Variants in TSPOAP1 observed in about 807,000 individuals in gnomAD.
TSPOAP1 encodes peripheral-type benzodiazepine receptor-associated protein 1.
In TSPOAP1, 87 loss-of-function variants were observed where a neutral mutation model predicts 197.0. That is an observed-to-expected ratio of 0.44 (90% CI 0.37 to 0.53). The LOEUF is 0.53. TSPOAP1 is among the 20% of genes least tolerant of loss of function. The probability of loss-of-function intolerance (pLI) is 0.00; values close to 1 mark genes in which losing one functional copy is unlikely to be tolerated. For synonymous variants in TSPOAP1, 913 were observed against 998.9 expected, an observed-to-expected ratio of 0.91 and a Z score of 1.62; for missense variants, 2,174 against 2,411.3, an observed-to-expected ratio of 0.90 and a Z score of 2.06.
rs150293981 is a variant in TSPOAP1, at chr17:58,310,128, G to A, written c.3730C>T (p.Leu1244=). 134 of 1,613,124 alleles carry A rather than the reference G, an allele frequency of 8.3e-5. No individual in the cohort carries two copies. The highest frequency in any genetic ancestry group is 1.1e-4 in the Non-Finnish European group (126 of 1,180,020). The change falls in exon 21 of 32, where the codon CTG becomes TTG. Residue 1244 remains leucine, a synonymous_variant. Coordinates refer to ENST00000343736, the MANE Select transcript of TSPOAP1 (RefSeq NM_004758.4). Reference sequence around the variant, plus strand: ...CCGTGGTCCACGAGGGAGTTCACCAGATGAACCCCAAGCTCTGCTGTGTCC... The same window carrying A: ...CCGTGGTCCACGAGGGAGTTCACCAAATGAACCCCAAGCTCTGCTGTGTCC... ...KEDTAELGVH[L]VNSLVDHGRN...
rs1279965056 is a variant in TSPOAP1, at chr17:58,323,349, G to A, written c.1053C>T (p.Cys351=). The change falls in exon 7 of 32, where the codon TGC becomes TGT. Residue 351 remains cysteine, a synonymous_variant. Transcript: ENST00000343736. The stretch of plus-strand genomic sequence containing the variant: ...TCCGGGCTTCCTGCTCCAGGCTCTC[G>A]CATTTCTTCCGCTTCTTGCTGAGCT... ...ESELSKKRKK[C]ESLEQEARKK... 10 of 1,614,084 alleles carry A rather than the reference G, an allele frequency of 6.2e-6. No individual in the cohort carries two copies. Among genetic ancestry groups the A allele is most frequent in the African/African-American group, 2.7e-5 (2 of 74,938 alleles).
In TSPOAP1 at chr17:58,311,634, A is replaced by G; in HGVS notation, c.3018T>C (p.Asp1006=). Residue 1006 remains aspartate, a synonymous_variant, in exon 18 of 32, where the codon GAT becomes GAC. Transcript: ENST00000343736. The part of the protein sequence containing the change: ...LIISWLPVTI[D]AAGTSNGVRV... ...GGACACCGTTGGATGTGCCAGCAGCATCGATGGTGACTGGGAGCCAACTGA... is the reference window on the plus strand; with the variant it reads ...GGACACCGTTGGATGTGCCAGCAGCGTCGATGGTGACTGGGAGCCAACTGA... 1 of 1,611,280 alleles carries G rather than the reference A, an allele frequency of 6.2e-7. No individual in the cohort carries two copies. The highest frequency in any genetic ancestry group is 8.5e-7 in the Non-Finnish European group (1 of 1,178,170).
At chr17:58,315,883 G>A (rs900602453) in intron 16 of TSPOAP1, 140 bp downstream of exon 16, 1 of 781,358 alleles carries the variant, frequency 1.3e-6, no homozygotes, top group South Asian at 1.6e-5. Context: ...GAGCACGCTG[G>A]GCAGAGGGGA....
intron 17 of TSPOAP1, 84 bp from the exon 18 acceptor site, chr17:58,311,806 C>T (rs956966263): frequency 2.5e-5 from 37 of 1,490,432 alleles, no homozygotes; most frequent in Non-Finnish European, 2.9e-5. Context: ...TCCCTGATAA[C>T]GCAAATAAGA....
chr17:58,302,481 C>T (rs1970746433), intron 31 of TSPOAP1, 34 bp from the exon 32 acceptor site: 1 of 1,193,612 alleles, frequency 8.4e-7, no homozygotes, highest in South Asian at 1.5e-5. Context: ...AAGGTCAGGG[C>T]CTGATTCCCT....
chr17:58,306,270 G>T, intron 26 of TSPOAP1, 72 bp downstream of exon 26: 1 of 1,414,932 alleles, frequency 7.1e-7, no homozygotes, highest in Non-Finnish European at 9.8e-7. Flanking sequence ...AGAGAAAACA[G>T]ACAGCCAAGC....
intron 25 of TSPOAP1, 52 bp from the exon 26 acceptor site, chr17:58,306,465 G>A: frequency 6.7e-7 from 1 of 1,485,310 alleles, no homozygotes; most frequent in Non-Finnish European, 9.2e-7. Flanking sequence ...GGAGAGACAG[G>A]ACTGGGACTC....
chr17:58,311,770 C>A (rs751274804), intron 17 of TSPOAP1, 48 bp from the exon 18 acceptor site: 3 of 1,516,740 alleles, frequency 2.0e-6, no homozygotes, highest in Non-Finnish European at 2.6e-6. Flanking sequence ...CGCTCCCCAT[C>A]AGAGATACCT....
In TSPOAP1 at chr17:58,307,666, G is replaced by T. The variant is rs776023167; in HGVS notation, c.4928C>A (p.Pro1643His). ...CTCTTCTTCTCCAGCATCAGGATTGGGCGACATTGACACGGGGTCATAGTC... is the reference window on the plus strand; with the variant it reads ...CTCTTCTTCTCCAGCATCAGGATTGTGCGACATTGACACGGGGTCATAGTC... ...LFDYDPVSMS[P>H]NPDAGEEELP... The change falls in exon 24 of 32, where the codon CCC (proline) becomes CAC (histidine). Residue 1643 changes from proline to histidine, a missense_variant. Physicochemically the swap from Pro to His is moderately conservative, Grantham distance 77. Coordinates refer to ENST00000343736, the MANE Select transcript of TSPOAP1 (RefSeq NM_004758.4). 1.2e-6 allele frequency: 2 copies of T among 1,614,132 alleles called. No homozygotes were observed. Among genetic ancestry groups the T allele is most frequent in the Non-Finnish European group, 8.5e-7 (1 of 1,180,040 alleles).
At chr17:58,325,082 C>CCAGCAAGGCGAAG in intron 4 of TSPOAP1, 80 bp from the exon 5 acceptor site, 1 of 1,311,102 alleles carries the variant, frequency 7.6e-7, no homozygotes, top group Non-Finnish European at 1.0e-6. Flanking sequence ...CAGAGCCCTT[C>CCAGCAAGGCGAAG]GCCTTGCTGG....
intron 17 of TSPOAP1, 53 bp from the exon 18 acceptor site, chr17:58,311,775 A>C: frequency 6.6e-7 from 1 of 1,512,406 alleles, no homozygotes; most frequent in Non-Finnish European, 8.8e-7. Flanking sequence ...CCCATCAGAG[A>C]TACCTGCCCA....
Position 58,311,082 on chromosome 17 carries a change from C to T in TSPOAP1, c.3213G>A (p.Pro1071=), listed in dbSNP as rs377634478. ...GAGCCAGGGCGGGAGTGATAGGAGC[C>T]GGGATGGAGTCCGCCGACTCCCCGT... ...SPHGESADSI[P]APITPALAPA... The change falls in exon 19 of 32, where the codon CCG becomes CCA. Residue 1071 remains proline (P), a synonymous_variant. Transcript: ENST00000343736. The T allele has an allele frequency of 2.2e-5, 35 of 1,581,440 alleles. No individual in the cohort carries two copies. Among genetic ancestry groups the T allele is most frequent in the African/African-American group, 9.4e-5 (7 of 74,148 alleles).
At position 58,328,070 on chromosome 17, in the gene TSPOAP1, C is replaced by T. The variant is rs950776071; in HGVS notation, c.-150G>A. 3 of 726,986 alleles carry T rather than the reference C, an allele frequency of 4.1e-6. No homozygotes were observed. The highest frequency in any genetic ancestry group is 2.7e-5 in the East Asian group (1 of 36,716). 45.0% of individuals were successfully genotyped at this position (726,986 alleles called of 1,614,324 possible). On this transcript the variant is annotated 5_prime_UTR_variant, in exon 1 of 32. The change creates a new upstream start codon in the 5' untranslated region. Coordinates refer to ENST00000343736, the MANE Select transcript of TSPOAP1 (RefSeq NM_004758.4). The surrounding 1 kb of genome is among the most constrained non-coding windows in gnomAD (Gnocchi z 4.3). The stretch of plus-strand genomic sequence containing the variant: ...CCAAGGTTGGCTGAGCTCTTCCCCA[C>T]CCACAAAGGAGGCTGCAGAAGGCGC...
In TSPOAP1 at chr17:58,311,091, G is replaced by A. The variant is rs758996602; in HGVS notation, c.3204C>T (p.Asp1068=). 2.6e-5 allele frequency: 42 copies of A among 1,584,960 alleles called. No individual in the cohort carries two copies. The highest frequency in any genetic ancestry group is 3.3e-5 in the Non-Finnish European group (38 of 1,166,202). The change falls in exon 19 of 32, where the codon GAC becomes GAT. Residue 1068 remains aspartate, a synonymous_variant. Transcript: ENST00000343736. Reference sequence around the variant, plus strand: ...CGGGAGTGATAGGAGCCGGGATGGAGTCCGCCGACTCCCCGTGGGGCGACA... The same window carrying A: ...CGGGAGTGATAGGAGCCGGGATGGAATCCGCCGACTCCCCGTGGGGCGACA... ...RTMSPHGESA[D]SIPAPITPAL... is the part of the protein sequence containing the mutation.
intron 15 of TSPOAP1, 63 bp downstream of exon 15, chr17:58,316,362 G>A (rs1054844971): frequency 1.0e-5 from 15 of 1,443,754 alleles, no homozygotes; most frequent in African/African-American, 4.2e-5. Context: ...AGCTCCACCC[G>A]GCCCCCTCCT....
chr17:58,311,237 A>G (rs1371689763), intron 18 of TSPOAP1, 24 bp from the exon 19 acceptor site: 1 of 1,605,828 alleles, frequency 6.2e-7, no homozygotes, highest in Non-Finnish European at 8.5e-7. Context: ...GGGGCACAGG[A>G]TGGGAAGCAG....
chr17:58,324,157 C>T lies in TSPOAP1; in HGVS notation c.943-612G>A, dbSNP rs1228452991. ...GACAAAATCTGAGCAAGAAGCCTCC[C>T]CCCACCCGGAGGTCTTGGTCACTAT... On this transcript the variant is annotated intron_variant, in intron 5 of 31. Transcript: ENST00000343736. This position sits in a 1 kb window ranked among gnomAD's most constrained non-coding sequence, Gnocchi z 5.8. Among the ~76,000 whole-genome samples, 1 of 152,232 alleles carries T rather than the reference C, an allele frequency of 6.6e-6. No homozygotes were observed. Among genetic ancestry groups the T allele is most frequent in the Non-Finnish European group, 1.5e-5 (1 of 68,034 alleles).
At position 58,306,238 on chromosome 17, in the gene TSPOAP1, AC is replaced by A. The variant is rs1461260616; in HGVS notation, c.5224+103del. On this transcript the variant is annotated intron_variant, in intron 26 of 31. Coordinates refer to ENST00000343736, the MANE Select transcript of TSPOAP1 (RefSeq NM_004758.4). The stretch of plus-strand genomic sequence containing the variant: ...CAGCCAAGCAGCGCCACCCACCAGC[AC>A]ACACATCCTCCCAGCACCTGAGAGA... The A allele has an allele frequency of 4.1e-6, 5 of 1,206,358 alleles. No individual in the cohort carries two copies. In the East Asian group the frequency reaches 1.3e-4, roughly 31 times the overall value. 74.7% of individuals were successfully genotyped at this position (1,206,358 alleles called of 1,614,324 possible).
At chr17:58,318,550 A>G (rs1567846947) in intron 13 of TSPOAP1, 98 bp from the exon 14 acceptor site, 1 of 1,228,552 alleles carries the variant, frequency 8.1e-7, no homozygotes. Context: ...GGCCCTCCAT[A>G]GCCGGGCTTC....
Sources: gnomAD v4.1 joint callset for allele counts (sites outside exome capture counted in the v4.1 genomes callset) on GRCh38, gnomAD v4.1.1 for gene constraint, Gnocchi (gnomAD v3.1) non-coding constraint, MANE v1.5 for transcripts, NCBI Gene and HGNC (gene_info 2026-07-23, HGNC 2026-07-21) for gene names.